Variants in IFNG-AS1 observed in about 807,000 individuals in gnomAD.
The protein encoded by IFNG-AS1 is IFNG antisense RNA 1 (non-protein coding).
intron 2 of IFNG-AS1, among the ~76,000 whole-genome samples, chr12:67,998,159 G>C (rs1034573882): frequency 6.6e-6 from 1 of 151,828 alleles, no homozygotes; most frequent in African/African-American, 2.4e-5. Flanking sequence ...ATACACCTCC[G>C]ATAAGGCAAA....
At chr12:67,994,241 C>T (rs1029090534) in intron 1 of IFNG-AS1, among the ~76,000 whole-genome samples, 1 of 152,132 alleles carries the variant, frequency 6.6e-6, no homozygotes, top group South Asian at 2.1e-4. Flanking sequence ...GAGCCATGGC[C>T]CTCAGTAGAG....
intron 3 of IFNG-AS1, among the ~76,000 whole-genome samples, chr12:68,016,687 T>G (rs144625872): frequency 2.6e-5 from 4 of 152,310 alleles, no homozygotes; most frequent in African/African-American, 9.6e-5. Flanking sequence ...TGCTTTCTCA[T>G]TCAACTTCAC....
At chr12:68,007,629 A>T (rs898356405) in intron 3 of IFNG-AS1, among the ~76,000 whole-genome samples, 1 of 152,248 alleles carries the variant, frequency 6.6e-6, no homozygotes, top group Non-Finnish European at 1.5e-5. Flanking sequence ...TTTCAAAGTA[A>T]TCACTATAAT....
chr12:67,995,295 C>T (rs1347958408), intron 1 of IFNG-AS1, among the ~76,000 whole-genome samples: 1 of 151,244 alleles, frequency 6.6e-6, no homozygotes, highest in East Asian at 1.9e-4. Flanking sequence ...GTGGCGCGTG[C>T]CTATAGTCCC....
chr12:68,015,952 G>A (rs66906857), intron 3 of IFNG-AS1, among the ~76,000 whole-genome samples: 49 of 103,638 alleles, frequency 4.7e-4, no homozygotes, highest in Non-Finnish European at 7.3e-4. Flanking sequence ...ACGGGGGGGG[G>A]AAAAAAAACC....
intron 1 of IFNG-AS1, among the ~76,000 whole-genome samples, chr12:67,994,158 T>A (rs1437271117): frequency 6.6e-6 from 1 of 152,186 alleles, no homozygotes; most frequent in Non-Finnish European, 1.5e-5. Flanking sequence ...TGAATTGGGG[T>A]TGTCCTTTGG....
chr12:68,009,818 A>T (rs75724895), intron 3 of IFNG-AS1, among the ~76,000 whole-genome samples: 3,105 of 152,208 alleles, frequency 0.02, 40 homozygotes, highest in Non-Finnish European at 0.032. Flanking sequence ...GTGTGTAGAG[A>T]TACACCAGGG....
At chr12:68,013,969 G>A (rs1346471512) in intron 3 of IFNG-AS1, among the ~76,000 whole-genome samples, 1 of 152,152 alleles carries the variant, frequency 6.6e-6, no homozygotes, top group Non-Finnish European at 1.5e-5. Context: ...AGTCCCCAAA[G>A]TCCATTGTAT....
intron 3 of IFNG-AS1, among the ~76,000 whole-genome samples, chr12:68,006,649 T>G (rs1336194080): frequency 6.6e-6 from 1 of 152,220 alleles, no homozygotes; most frequent in African/African-American, 2.4e-5. Flanking sequence ...AAAAGGAAGA[T>G]TATACTTGCT....
intron 4 of IFNG-AS1, chr12:68,020,198 A>G (rs1880254458): frequency 6.6e-6 from 1 of 152,196 alleles, no homozygotes; most frequent in African/African-American, 2.4e-5. Context: ...CATGTCTTGA[A>G]TCATGACATA....
chr12:68,013,759 G>C (rs1880085085), intron 3 of IFNG-AS1: 1 of 152,198 alleles, frequency 6.6e-6, no homozygotes, highest in Non-Finnish European at 1.5e-5. Flanking sequence ...AAGGTTGACT[G>C]TCCCCAAGTA....
chr12:67,997,128 A>G (rs2120423064), intron 2 of IFNG-AS1, among the ~76,000 whole-genome samples: 1 of 152,280 alleles, frequency 6.6e-6, no homozygotes, highest in South Asian at 2.1e-4. Context: ...TTAAAAGGAA[A>G]TGTGCAAAAA....
chr12:67,992,105 G>T (rs777707283), intron 1 of IFNG-AS1, among the ~76,000 whole-genome samples: 21 of 151,954 alleles, frequency 1.4e-4, no homozygotes, highest in Non-Finnish European at 4.4e-5. Flanking sequence ...TTTTGAATTT[G>T]ATGTTTATCT....
chr12:68,001,189 C>T (rs1879759975), intron 2 of IFNG-AS1, among the ~76,000 whole-genome samples: 1 of 152,146 alleles, frequency 6.6e-6, no homozygotes, highest in Admixed American at 6.5e-5. Context: ...ATGATGAATG[C>T]TGTCTTAACT....
chr12:67,993,386 A>G (rs1420726423), intron 1 of IFNG-AS1, among the ~76,000 whole-genome samples: 1 of 152,236 alleles, frequency 6.6e-6, no homozygotes, highest in Admixed American at 6.5e-5. Context: ...TAAAATACAC[A>G]TCTTAAACCA....
intron 3 of IFNG-AS1, among the ~76,000 whole-genome samples, chr12:68,006,319 C>G (rs1323106959): frequency 1.3e-5 from 2 of 152,184 alleles, no homozygotes; most frequent in African/African-American, 2.4e-5. Context: ...TTTATGCTAT[C>G]AACCTTGTAT....
chr12:68,003,377 C>T (rs11177002), intron 2 of IFNG-AS1, among the ~76,000 whole-genome samples: 45,311 of 151,528 alleles, frequency 0.3, 7,031 homozygotes, highest in South Asian at 0.34. Flanking sequence ...CTACCTAGAA[C>T]CTACTCAACC....
chr12:67,998,922 C>T (rs566044647), intron 2 of IFNG-AS1, among the ~76,000 whole-genome samples: 1 of 152,136 alleles, frequency 6.6e-6, no homozygotes, highest in East Asian at 1.9e-4. Flanking sequence ...TAATTATAAA[C>T]CCAGTTAATG....
chr12:67,997,341 T>C (rs61923060), intron 2 of IFNG-AS1, among the ~76,000 whole-genome samples: 45,295 of 151,660 alleles, frequency 0.3, 7,022 homozygotes, highest in South Asian at 0.34. Context: ...AGAAATTGAC[T>C]CAAGTACATA....
Sources: allele counts gnomAD v4.1 joint callset (sites outside exome capture counted in the v4.1 genomes callset), GRCh38; gene constraint gnomAD v4.1.1; transcripts MANE v1.5; gene names NCBI Gene and HGNC (gene_info 2026-07-23, HGNC 2026-07-21).